The following MIPEP variants were observed in gnomAD, a reference collection of about 807,000 sequenced individuals.
MIPEP encodes the protein mitochondrial intermediate peptidase.
In MIPEP, 79 loss-of-function variants were observed where a neutral mutation model predicts 90.3. That is an observed-to-expected ratio of 0.87 (90% CI 0.73 to 1.05). The LOEUF (loss-of-function observed/expected upper bound fraction) is 1.05, where lower values mean the gene tolerates loss of function less well. MIPEP is among the 50% of genes least tolerant of loss of function. The pLI, the probability that MIPEP is intolerant of heterozygous loss-of-function variation, is 0.00. For synonymous variants in MIPEP, 334 were observed against 315.8 expected (o/e 1.06, Z -0.61); for missense variants, 940 against 905.6 (o/e 1.04, Z -0.49).
intron 14 of MIPEP, among the ~76,000 whole-genome samples, chr13:23,835,097 T>A (rs1267212806): frequency 2.7e-5 from 4 of 149,896 alleles, no homozygotes; most frequent in African/African-American, 9.8e-5. Context: ...GTCGGCTCAC[T>A]GCAACCTCTG....
chr13:23,874,216 T>C (rs979737942), intron 5 of MIPEP, among the ~76,000 whole-genome samples: 41 of 152,256 alleles, frequency 2.7e-4, no homozygotes, highest in African/African-American at 9.6e-4. Context: ...AAGTCCCTCC[T>C]GTTCTTCCAA....
At chr13:23,768,271 A>T (rs1450270500) in intron 16 of MIPEP, among the ~76,000 whole-genome samples, 3 of 152,228 alleles carry the variant, frequency 2.0e-5, no homozygotes, top group Non-Finnish European at 4.4e-5. Flanking sequence ...ACTGATGTCT[A>T]TGCCACATTC....
At chr13:23,741,276 C>A (rs1210123966) in intron 18 of MIPEP, among the ~76,000 whole-genome samples, 2 of 152,078 alleles carry the variant, frequency 1.3e-5, no homozygotes, top group East Asian at 3.9e-4. Context: ...CCTCAAAGAG[C>A]TAAAAATAGA....
intron 3 of MIPEP, among the ~76,000 whole-genome samples, chr13:23,880,084 G>A (rs2137534272): frequency 6.6e-6 from 1 of 152,232 alleles, no homozygotes; most frequent in South Asian, 2.1e-4. Flanking sequence ...GGAGGGATAA[G>A]GTTGTAAGAA....
chr13:23,845,249 C>T (rs1258820510), intron 10 of MIPEP, among the ~76,000 whole-genome samples: 1 of 152,132 alleles, frequency 6.6e-6, no homozygotes, highest in Admixed American at 6.5e-5. Context: ...TGTTTTCTTT[C>T]ATGGGTGTAG....
intron 16 of MIPEP, among the ~76,000 whole-genome samples, chr13:23,779,373 T>G (rs557696026): frequency 3.9e-5 from 6 of 152,302 alleles, no homozygotes; most frequent in Non-Finnish European, 7.3e-5. Flanking sequence ...AACTTCCTTA[T>G]GTATCAGTGA....
At chr13:23,861,726 G>A (rs190085781) in intron 9 of MIPEP, among the ~76,000 whole-genome samples, 64 of 152,242 alleles carry the variant, frequency 4.2e-4, no homozygotes, top group Admixed American at 3.3e-3. Context: ...CTGGACTCTC[G>A]ACACTTTTCA....
At chr13:23,764,307 G>A (rs1291579286) in intron 16 of MIPEP, among the ~76,000 whole-genome samples, 1 of 152,172 alleles carries the variant, frequency 6.6e-6, no homozygotes, top group Non-Finnish European at 1.5e-5. Context: ...CAGCCTGTCA[G>A]GAAACCCATG....
At chr13:23,770,907 C>T (rs1952642839) in intron 16 of MIPEP, among the ~76,000 whole-genome samples, 2 of 152,212 alleles carry the variant, frequency 1.3e-5, no homozygotes, top group South Asian at 2.1e-4. Flanking sequence ...GTGTCTTGTG[C>T]GTGCTCACCA....
chr13:23,832,421 C>T (rs1488549548), intron 14 of MIPEP, among the ~76,000 whole-genome samples: 1 of 152,004 alleles, frequency 6.6e-6, no homozygotes, highest in East Asian at 1.9e-4. Flanking sequence ...AGAGAACAGA[C>T]TAATATAGCT....
rs1871477617 is a variant in MIPEP at position 23,886,317 on chromosome 13, A to C, written c.363+16T>G. 1 of 1,458,594 alleles carries C rather than the reference A, an allele frequency of 6.9e-7. No individual in the cohort carries two copies. Among genetic ancestry groups the C allele is most frequent in the Non-Finnish European group, 9.1e-7 (1 of 1,098,552 alleles). 90.4% of individuals were successfully genotyped at this position (1,458,594 alleles called of 1,614,324 possible). ...TGAAAGAGAGGTAGCTTCAAGTCTG[A>C]GGTAAAGCACCTTACCAAGTCGGCC... is the stretch of plus-strand genomic sequence containing the variant. On this transcript the variant is annotated intron_variant, in intron 2 of 18. Coordinates refer to ENST00000382172, the MANE Select transcript of MIPEP (RefSeq NM_005932.4).
chr13:23,833,924 C>T (rs912298191), intron 14 of MIPEP, among the ~76,000 whole-genome samples: 2 of 152,140 alleles, frequency 1.3e-5, no homozygotes, highest in African/African-American at 4.8e-5. Flanking sequence ...CCCCTCCTGG[C>T]GGCAGTGATG....
At chr13:23,751,697 T>C (rs1267876488) in intron 18 of MIPEP, among the ~76,000 whole-genome samples, 2 of 152,208 alleles carry the variant, frequency 1.3e-5, no homozygotes, top group African/African-American at 2.4e-5. Context: ...TAAGGAATTC[T>C]GTAACCAGAG....
chr13:23,796,907 A>G (rs981692025), intron 16 of MIPEP, among the ~76,000 whole-genome samples: 4 of 152,228 alleles, frequency 2.6e-5, no homozygotes, highest in African/African-American at 9.6e-5. Flanking sequence ...TTATATGCTA[A>G]AAGTTCATTC....
intron 18 of MIPEP, among the ~76,000 whole-genome samples, chr13:23,747,023 AAG>A (rs1952390924): frequency 6.6e-6 from 1 of 152,246 alleles, no homozygotes; most frequent in African/African-American, 2.4e-5. Flanking sequence ...GACAGTAATC[AAG>A]AGTCTATGGC....
intron 18 of MIPEP, among the ~76,000 whole-genome samples, chr13:23,747,345 A>G (rs528164190): frequency 6.6e-6 from 1 of 152,304 alleles, no homozygotes; most frequent in Admixed American, 6.5e-5. Flanking sequence ...CCCAGGGCTT[A>G]TGAAGAGGTG....
chr13:23,774,781 G>GTT (rs1952693487), intron 16 of MIPEP, among the ~76,000 whole-genome samples: 1 of 93,856 alleles, frequency 1.1e-5, no homozygotes, highest in Non-Finnish European at 2.1e-5. Flanking sequence ...TGGTTTATCA[G>GTT]TTCTTTTTTT....
intron 14 of MIPEP, among the ~76,000 whole-genome samples, chr13:23,817,931 A>G (rs1163273732): frequency 6.6e-6 from 1 of 152,196 alleles, no homozygotes; most frequent in Non-Finnish European, 1.5e-5. Flanking sequence ...ATTAGCATAC[A>G]ATTGATAGAT....
intron 10 of MIPEP, among the ~76,000 whole-genome samples, chr13:23,845,386 G>A (rs944660628): frequency 2.0e-4 from 31 of 152,184 alleles, no homozygotes; most frequent in Admixed American, 1.4e-3. Context: ...CACTGACATC[G>A]TTTGGAATTT....
Sources: gnomAD v4.1 joint callset for allele counts (sites outside exome capture counted in the v4.1 genomes callset) on GRCh38, gnomAD v4.1.1 for gene constraint, MANE v1.5 for transcripts, NCBI Gene and HGNC (gene_info 2026-07-23, HGNC 2026-07-21) for gene names.